RPS6KC1: variants seen among roughly 807,000 people sequenced by gnomAD.
RPS6KC1 encodes the protein inactive ribosomal protein S6 kinase delta-1.
RPS6KC1 carries 54 observed loss-of-function variants against 103.8 expected under a neutral mutation model. The observed-to-expected ratio is 0.52, with a 90% CI of 0.42 to 0.65. RPS6KC1 has a LOEUF of 0.65. RPS6KC1 is among the 30% of genes least tolerant of loss of function. RPS6KC1 has a pLI of 0.00. For synonymous variants in RPS6KC1, 439 were observed against 438.7 expected (o/e 1.00, Z -0.01); for missense variants, 1,151 against 1,253.8 (o/e 0.92, Z 1.24).
the RPS6KC1 span, among the ~76,000 whole-genome samples, chr1:213,855,335 C>A: frequency 6.6e-6 from 1 of 152,220 alleles, no homozygotes. Context: ...CTACTGCCAC[C>A]ACTCAGCAAG....
chr1:213,511,019 G>A, the RPS6KC1 span, among the ~76,000 whole-genome samples: 12,764 of 152,166 alleles, frequency 0.084, 633 homozygotes, highest in African/African-American at 0.11. Flanking sequence ...CAAAATAGGA[G>A]AAATCCGAAA....
the RPS6KC1 span, among the ~76,000 whole-genome samples, chr1:213,328,190 C>T: frequency 6.6e-6 from 1 of 152,240 alleles, no homozygotes; most frequent in East Asian, 1.9e-4. Context: ...GCATGCAATA[C>T]ATTTTTATTG....
the RPS6KC1 span, among the ~76,000 whole-genome samples, chr1:213,497,532 A>T: frequency 6.6e-6 from 1 of 152,232 alleles, no homozygotes; most frequent in East Asian, 1.9e-4. Flanking sequence ...TTAGAAAATA[A>T]CAAGAACACT....
intron 2 of RPS6KC1, among the ~76,000 whole-genome samples, chr1:213,071,823 T>TTAAGTTAGTAAGTTCTTTTGCAGA (rs575035298): frequency 0.01 from 1,561 of 152,252 alleles, 29 homozygotes; most frequent in African/African-American, 0.035. Flanking sequence ...TTTTTAAACT[T>TTAAGTTAGTAAGTTCTTTTGCAGA]TAAGTTAGTA....
the RPS6KC1 span, among the ~76,000 whole-genome samples, chr1:213,630,204 T>C: frequency 1.3e-5 from 2 of 152,370 alleles, no homozygotes; most frequent in African/African-American, 4.8e-5. Flanking sequence ...ATTCTCCCCG[T>C]CACTTTCAGG....
At chr1:213,220,487 C>G (rs1026327357) in intron 8 of RPS6KC1, among the ~76,000 whole-genome samples, 2 of 152,058 alleles carry the variant, frequency 1.3e-5, no homozygotes, top group African/African-American at 4.8e-5. Context: ...CCACCTCACC[C>G]AGCTGATTTT....
At chr1:213,820,318 T>G in the RPS6KC1 span, 1 of 152,250 alleles carries the variant, frequency 6.6e-6, no homozygotes, top group East Asian at 1.9e-4. Flanking sequence ...GCCCTAGGAC[T>G]GCCTTCTCCT....
chr1:213,187,989 A>G (rs2092602788), intron 8 of RPS6KC1, among the ~76,000 whole-genome samples: 1 of 152,048 alleles, frequency 6.6e-6, no homozygotes, highest in Non-Finnish European at 1.5e-5. Flanking sequence ...AGAGGTCCCA[A>G]AGGGATTAGG....
the RPS6KC1 span, among the ~76,000 whole-genome samples, chr1:213,824,836 G>T: frequency 1.3e-5 from 2 of 152,142 alleles, no homozygotes; most frequent in African/African-American, 2.4e-5. Context: ...CCCAGTGTTG[G>T]GTATGTTTTT....
the RPS6KC1 span, among the ~76,000 whole-genome samples, chr1:213,607,456 T>C: frequency 2.0e-5 from 3 of 152,172 alleles, no homozygotes; most frequent in Non-Finnish European, 4.4e-5. Context: ...GTGTCTCTAG[T>C]AGTCTGTATT....
At chr1:213,117,515 T>G (rs2083803423) in intron 5 of RPS6KC1, 105 bp downstream of exon 5, 73 of 595,304 alleles carry the variant, frequency 1.2e-4, no homozygotes, top group East Asian at 2.9e-4. Flanking sequence ...TTTGAGGGTA[T>G]TTCACTGATT....
the RPS6KC1 span, among the ~76,000 whole-genome samples, chr1:213,539,412 C>A: frequency 6.6e-6 from 1 of 152,208 alleles, no homozygotes; most frequent in Non-Finnish European, 1.5e-5. Context: ...ATTTGCCTGA[C>A]CCAAAGCACA....
intron 3 of RPS6KC1, among the ~76,000 whole-genome samples, chr1:213,079,936 G>A (rs1489544617): frequency 4.8e-5 from 6 of 124,128 alleles, no homozygotes; most frequent in African/African-American, 1.6e-4. Flanking sequence ...TTTTTTTTGA[G>A]ATGAAATTTC....
the RPS6KC1 span, among the ~76,000 whole-genome samples, chr1:213,293,252 C>CA: frequency 3.9e-5 from 6 of 152,176 alleles, no homozygotes; most frequent in Non-Finnish European, 8.8e-5. Flanking sequence ...TTTTTGTACT[C>CA]ATTAAAATGC....
intron 3 of RPS6KC1, among the ~76,000 whole-genome samples, chr1:213,097,239 G>C (rs960995581): frequency 1.3e-4 from 19 of 151,994 alleles, no homozygotes; most frequent in Non-Finnish European, 1.5e-5. Flanking sequence ...CTGTAATCCC[G>C]GCTAATCAGG....
At chr1:213,429,541 G>A in the RPS6KC1 span, among the ~76,000 whole-genome samples, 2 of 152,160 alleles carry the variant, frequency 1.3e-5, no homozygotes, top group Admixed American at 6.5e-5. Flanking sequence ...TGACTTGTTG[G>A]CTTTTTCAAG....
At chr1:213,209,073 C>G (rs12036346) in intron 8 of RPS6KC1, among the ~76,000 whole-genome samples, 141 of 152,140 alleles carry the variant, frequency 9.3e-4, no homozygotes, top group Middle Eastern at 3.4e-3. Context: ...CCACAACATA[C>G]TATGTTGGCT....
chr1:213,196,078 C>G (rs1211381259), intron 8 of RPS6KC1, among the ~76,000 whole-genome samples: 1 of 152,124 alleles, frequency 6.6e-6, no homozygotes, highest in Non-Finnish European at 1.5e-5. Flanking sequence ...AATGGTTATA[C>G]TAGTTTACAT....
At chr1:213,599,471 G>T in the RPS6KC1 span, among the ~76,000 whole-genome samples, 8 of 151,944 alleles carry the variant, frequency 5.3e-5, no homozygotes, top group African/African-American at 1.9e-4. Flanking sequence ...GTAGAACGAG[G>T]GGGGGAAAAA....
Sources: gnomAD v4.1 joint callset for allele counts (sites outside exome capture counted in the v4.1 genomes callset) on GRCh38, gnomAD v4.1.1 for gene constraint, MANE v1.5 for transcripts, NCBI Gene and HGNC (gene_info 2026-07-23, HGNC 2026-07-21) for gene names.